The following SALL3 variants were observed in gnomAD, a reference collection of about 807,000 sequenced individuals.
SALL3 encodes spalt like transcription factor 3, also known as sal-like protein 3.
A neutral mutation model predicts 66.2 loss-of-function variants in SALL3; 25 were observed. The observed-to-expected ratio is 0.38, with a 90% confidence interval of 0.28 to 0.53. The LOEUF is 0.53. Among genes scored for constraint, SALL3 ranks in the 20% least tolerant of loss-of-function variants. SALL3 has a pLI of 0.85. For synonymous variants in SALL3, 1,152 were observed against 899.1 expected (o/e 1.28, Z -5.03); for missense variants, 2,194 against 1,916.5 (o/e 1.14, Z -2.70).
At position 78,995,160 on chromosome 18, in the gene SALL3, G is replaced by T. The variant is rs752173050; in HGVS notation, c.3169G>T (p.Ala1057Ser). The T allele has an allele frequency of 6.2e-7, 1 of 1,613,184 alleles. No individual in the cohort carries two copies. The change falls in exon 2 of 3, where the codon GCA becomes TCA. Residue 1057 changes from alanine to serine, a missense_variant. Physicochemically the swap from Ala to Ser is moderately conservative, Grantham distance 99. Transcript: ENST00000537592. ...QSTPSLISSA[A>S]PTMIKMEVNG... ...CACTCCTAGCCTGATCTCCAGCGCCGCACCCACCATGATCAAAATGGAAGT... is the reference window on the plus strand; with the variant it reads ...CACTCCTAGCCTGATCTCCAGCGCCTCACCCACCATGATCAAAATGGAAGT...
chr18:78,991,383 T>TGGGG (rs72117247), intron 1 of SALL3, among the ~76,000 whole-genome samples: 5 of 92,226 alleles, frequency 5.4e-5, no homozygotes, highest in Non-Finnish European at 9.1e-5. Context: ...AGTACAAGGG[T>TGGGG]GGGGGGGGGG....
Position 78,994,096 on chromosome 18 carries a change from CGGG to C in SALL3, c.2108_2110del (p.Gly703del), listed in dbSNP as rs1914586117. On this transcript the variant is annotated inframe_deletion, in exon 2 of 3. Transcript: ENST00000537592. ...CTGAAGATGCACTACCGGACGCACA[CGGG>C]GGAGCGGCCGTTCAAGTGCAAGATC... 1.2e-6 allele frequency: 2 copies of C among 1,612,804 alleles called. No individual in the cohort carries two copies. Among genetic ancestry groups the C allele is most frequent in the Non-Finnish European group, 1.7e-6 (2 of 1,179,978 alleles).
At position 78,991,385 on chromosome 18, in the gene SALL3, G is replaced by GGA. The variant is rs1555706485; in HGVS notation, c.83-688_83-687insAG. On this transcript the variant is annotated intron_variant, in intron 1 of 2. Transcript: ENST00000537592. ...CTATCTGGAAGAAAGTACAAGGGTG[G>GGA]GGGGGGGGGAACTGCTCTGTCGCTC... is the stretch of plus-strand genomic sequence containing the variant. 1.2e-4 allele frequency among the ~76,000 whole-genome samples: 7 copies of GGA among 58,958 alleles called. 1 individual carries two copies. In the South Asian group the frequency reaches 3.6e-3, roughly 30 times the overall value. 38.7% of individuals were successfully genotyped at this position (58,958 alleles called of 152,430 possible). A position where few individuals can be genotyped will look rare whatever the true frequency, so the allele number is the denominator to read the frequency against.
intron 1 of SALL3, among the ~76,000 whole-genome samples, chr18:78,986,451 G>A (rs1259974086): frequency 1.3e-5 from 2 of 152,190 alleles, no homozygotes; most frequent in Admixed American, 1.3e-4. Flanking sequence ...CTTCTACATT[G>A]TTAAACACAG....
intron 1 of SALL3, among the ~76,000 whole-genome samples, chr18:78,980,879 C>T (rs1043954469): frequency 4.6e-5 from 7 of 152,184 alleles, no homozygotes; most frequent in Admixed American, 2.6e-4. Flanking sequence ...GTTGACGCAG[C>T]CTGTGATCCC....
Position 78,993,873 on chromosome 18 carries a change from C to G in SALL3, c.1882C>G (p.Pro628Ala). Reference protein sequence around the residue: ...SAAPTSVDGAPTSLGSPGLPA... With the variant: ...SAAPTSVDGAATSLGSPGLPA... ...TGCACCCACATCGGTGGACGGCGCA[C>G]CCACGAGCCTCGGCAGCCCCGGGCT... Residue 628 changes from proline (P) to alanine (A), a missense_variant, in exon 2 of 3, where the codon CCC becomes GCC. Coordinates refer to ENST00000537592, the MANE Select transcript of SALL3 (RefSeq NM_171999.4). 1 of 1,568,824 alleles carries G rather than the reference C, an allele frequency of 6.4e-7. No individual in the cohort carries two copies. The highest frequency in any genetic ancestry group is 8.6e-7 in the Non-Finnish European group (1 of 1,158,954).
chr18:78,990,315 A>G (rs1396022121), intron 1 of SALL3, among the ~76,000 whole-genome samples: 2 of 152,202 alleles, frequency 1.3e-5, no homozygotes, highest in African/African-American at 4.8e-5. Context: ...TTAAAAGTCT[A>G]GCAGGCTTTA....
At chr18:78,985,710 GA>G (rs1459179118) in intron 1 of SALL3, among the ~76,000 whole-genome samples, 2 of 152,208 alleles carry the variant, frequency 1.3e-5, no homozygotes, top group African/African-American at 4.8e-5. Flanking sequence ...TGCCCCTCTA[GA>G]GCTATTTACA....
At chr18:78,996,748 G>T in intron 2 of SALL3, 143 bp from the exon 3 acceptor site, 1 of 703,584 alleles carries the variant, frequency 1.4e-6, no homozygotes. Context: ...AATATAAAGT[G>T]CCCAGAAAAG....
At chr18:78,987,918 A>G (rs1184763196) in intron 1 of SALL3, among the ~76,000 whole-genome samples, 5 of 152,242 alleles carry the variant, frequency 3.3e-5, no homozygotes, top group African/African-American at 1.2e-4. Flanking sequence ...TGTGCAAAAA[A>G]TAAGTTCCTT....
chr18:78,993,076 T>C lies in SALL3; in HGVS notation c.1085T>C (p.Leu362Pro). The change falls in exon 2 of 3, where the codon CTT becomes CCT. Residue 362 changes from leucine to proline, a missense_variant. Leu to Pro is a moderately conservative substitution (Grantham distance 98). Transcript: ENST00000537592. ...GCGGCGCCCGGCCTGCCAAGTCCGC[T>C]TCTACCTCAGACTTCCGCCAGCGGC... The part of the protein sequence containing the change: ...LGAAPGLPSP[L>P]LPQTSASGVI... 3.1e-6 allele frequency: 5 copies of C among 1,597,156 alleles called. No homozygotes were observed. Among genetic ancestry groups the C allele is most frequent in the Non-Finnish European group, 4.2e-6 (5 of 1,176,490 alleles).
At chr18:78,980,863 C>T (rs1215274326) in intron 1 of SALL3, among the ~76,000 whole-genome samples, 1 of 152,164 alleles carries the variant, frequency 6.6e-6, no homozygotes, top group African/African-American at 2.4e-5. Context: ...CGCGGTGTCC[C>T]AGCGCGTTGA....
intron 1 of SALL3, among the ~76,000 whole-genome samples, chr18:78,981,395 C>G (rs897482882): frequency 1.4e-4 from 21 of 152,216 alleles, no homozygotes; most frequent in Admixed American, 7.8e-4. Context: ...AAAAAACAGG[C>G]AGGCCAACTT....
At chr18:78,989,846 A>C (rs1344044183) in intron 1 of SALL3, among the ~76,000 whole-genome samples, 9 of 152,222 alleles carry the variant, frequency 5.9e-5, no homozygotes, top group Non-Finnish European at 4.4e-5. Flanking sequence ...TTTCTGTGCC[A>C]TATAGATGTG....
chr18:78,983,191 T>C (rs1280099878), intron 1 of SALL3, among the ~76,000 whole-genome samples: 1 of 152,332 alleles, frequency 6.6e-6, no homozygotes, highest in East Asian at 1.9e-4. Context: ...AATTACTTAC[T>C]TGCAAATGAT....
At chr18:78,985,792 G>A (rs1211390652) in intron 1 of SALL3, among the ~76,000 whole-genome samples, 1 of 152,154 alleles carries the variant, frequency 6.6e-6, no homozygotes, top group African/African-American at 2.4e-5. Flanking sequence ...AAAATGGACA[G>A]TGTTTGGGTG....
chr18:78,992,543 C>T lies in SALL3; in HGVS notation c.552C>T (p.Gly184=), dbSNP rs764683353. Residue 184 remains glycine (G), a synonymous_variant, in exon 2 of 3, where the codon GGC becomes GGT. Coordinates refer to ENST00000537592, the MANE Select transcript of SALL3 (RefSeq NM_171999.4). ...TKVAVAQFSQ[G]ARAAGGSGAG... ...TGGCGGTGGCGCAGTTCTCGCAGGG[C>T]GCGCGCGCGGCAGGCGGCTCGGGAG... The T allele has an allele frequency of 3.4e-6, 5 of 1,481,652 alleles. No individual in the cohort carries two copies. Among genetic ancestry groups the T allele is most frequent in the Non-Finnish European group, 3.6e-6 (4 of 1,121,560 alleles). 91.8% of individuals were successfully genotyped at this position (1,481,652 alleles called of 1,614,324 possible). A position where few individuals can be genotyped will look rare whatever the true frequency, so the allele number is the denominator to read the frequency against.
chr18:78,980,385 G>A, intron 1 of SALL3, 29 bp downstream of exon 1: 1 of 1,357,332 alleles, frequency 7.4e-7, no homozygotes, highest in Non-Finnish European at 9.6e-7. Flanking sequence ...GGGTGGCCGG[G>A]GGGTCTGGGG....
At chr18:78,991,579 G>A (rs1914436839) in intron 1 of SALL3, 1 of 156,102 alleles carries the variant, frequency 6.4e-6, no homozygotes, top group Non-Finnish European at 1.4e-5. Context: ...TCTCCGCGCT[G>A]CGTAAAGATG....
Sources: allele counts gnomAD v4.1 joint callset (sites outside exome capture counted in the v4.1 genomes callset), GRCh38; gene constraint gnomAD v4.1.1; transcripts MANE v1.5; gene names NCBI Gene and HGNC (gene_info 2026-07-23, HGNC 2026-07-21).